The following ARHGEF10 variants were observed in gnomAD, a reference collection of about 807,000 sequenced individuals.
ARHGEF10 encodes the protein Rho guanine nucleotide exchange factor 10.
Under a neutral mutation model 147.4 loss-of-function variants are expected in ARHGEF10, and 140 were observed. The ratio of observed to expected loss-of-function variants is 0.95; its 90% confidence interval spans 0.83 to 1.09. The LOEUF (loss-of-function observed/expected upper bound fraction) is 1.09, where lower values mean the gene tolerates loss of function less well. Ranked by LOEUF, ARHGEF10 falls within the 50% of genes least tolerant of loss-of-function variation. ARHGEF10 has a pLI of 0.00. For missense variants in ARHGEF10, 2,222 were observed against 1,752.7 expected (o/e 1.27, Z -4.78); for synonymous variants, 902 against 695.8 (o/e 1.30, Z -4.67).
chr8:1,880,285 G>C, intron 9 of ARHGEF10, 121 bp downstream of exon 9: 1 of 717,286 alleles, frequency 1.4e-6, no homozygotes, highest in Non-Finnish European at 2.5e-6. Flanking sequence ...CGGGGCTCCT[G>C]GAATCCCCCG....
At chr8:1,887,245 G>A (rs942485612) in intron 11 of ARHGEF10, among the ~76,000 whole-genome samples, 5 of 152,252 alleles carry the variant, frequency 3.3e-5, no homozygotes, top group African/African-American at 1.2e-4. Context: ...CAGGGGAAAT[G>A]CTTCCTAGCA....
intron 18 of ARHGEF10, among the ~76,000 whole-genome samples, chr8:1,911,594 C>T (rs1010688060): frequency 6.6e-6 from 1 of 152,140 alleles, no homozygotes; most frequent in Non-Finnish European, 1.5e-5. Context: ...AAGTGGGCAC[C>T]GTGCTTGGTG....
At chr8:1,880,351 C>G (rs1275440376) in intron 9 of ARHGEF10, among the ~76,000 whole-genome samples, 187 bp downstream of exon 9, 1 of 152,232 alleles carries the variant, frequency 6.6e-6, no homozygotes. Flanking sequence ...CTGTCTCCCT[C>G]TTACGGGGAA....
chr8:1,945,100 G>T lies in ARHGEF10; in HGVS notation c.3223-381G>T, dbSNP rs1814456694. Among the ~76,000 whole-genome samples, 8 of 152,350 alleles carry T rather than the reference G, an allele frequency of 5.3e-5. No individual in the cohort carries two copies. The South Asian group carries it at 1.7e-3, about 32-fold the overall frequency. ...GGTCAGGCTGCAGGCAGGCAGTGGG[G>T]CCCCATGCCATAGCTTGGAGACATC... On this transcript the variant is annotated intron_variant, in intron 26 of 28. Coordinates refer to ENST00000349830, the MANE Select transcript of ARHGEF10 (RefSeq NM_014629.4).
chr8:1,841,738 C>T (rs1385302021), intron 1 of ARHGEF10, among the ~76,000 whole-genome samples: 3 of 151,994 alleles, frequency 2.0e-5, no homozygotes, highest in African/African-American at 7.2e-5. Context: ...AGCTGCTGCT[C>T]GTGGGGAGCC....
At chr8:1,906,296 T>C (rs941184521) in intron 17 of ARHGEF10, among the ~76,000 whole-genome samples, 1 of 152,158 alleles carries the variant, frequency 6.6e-6, no homozygotes. Flanking sequence ...CTGTAGAAAA[T>C]AATGCAAGCG....
At chr8:1,907,367 G>A (rs955714667) in intron 17 of ARHGEF10, among the ~76,000 whole-genome samples, 3 of 152,302 alleles carry the variant, frequency 2.0e-5, no homozygotes, top group Admixed American at 6.5e-5. Context: ...TGGCCCACAC[G>A]ATGTGTCAAG....
chr8:1,823,722 G>T (rs1286539242), upstream of ARHGEF10, among the ~76,000 whole-genome samples: 3 of 151,560 alleles, frequency 2.0e-5, no homozygotes, highest in African/African-American at 7.3e-5. Context: ...CCTCTGCCGC[G>T]CGCCCCCTCC....
At chr8:1,859,872 T>C (rs938246530) in intron 3 of ARHGEF10, 25 bp from the exon 4 acceptor site, 2 of 1,613,608 alleles carry the variant, frequency 1.2e-6, no homozygotes, top group Non-Finnish European at 8.5e-7. Flanking sequence ...ATGTGTCTGC[T>C]GACAAGTCCT....
rs371244507 is a variant in ARHGEF10 at position 1,894,416 on chromosome 8, G to T, written c.1284G>T (p.Glu428Asp). Reference protein sequence around the residue: ...ILEQYEKPLSEMEPKVLSERK... With the variant: ...ILEQYEKPLSDMEPKVLSERK... ...AGCAATATGAGAAGCCGCTGTCTGA[G>T]ATGGAGCCAAAGGTTCTGAGTGAGA... The change falls in exon 13 of 29, where the codon GAG becomes GAT. Residue 428 changes from glutamate (E) to aspartate (D), a missense_variant. Glu to Asp is a conservative substitution (Grantham distance 45). Coordinates refer to ENST00000349830, the MANE Select transcript of ARHGEF10 (RefSeq NM_014629.4). 3 of 1,614,238 alleles carry T rather than the reference G, an allele frequency of 1.9e-6. No homozygotes were observed. The highest frequency in any genetic ancestry group is 1.3e-5 in the African/African-American group (1 of 75,066).
In ARHGEF10 at chr8:1,862,766, T is replaced by C. The variant is rs555634712; in HGVS notation, c.482-1607T>C. Among the ~76,000 whole-genome samples the C allele has an allele frequency of 1.5e-4, 20 of 131,002 alleles. No homozygotes were observed. In the South Asian group the frequency reaches 2.4e-3, roughly 16 times the overall value. 85.9% of individuals were successfully genotyped at this position (131,002 alleles called of 152,430 possible). ...CTCTTTGGGTGTTTCTTTTCCTTTTTTTCTTCTTCTTTTTTTTTTTTTTTT... is the reference window on the plus strand; with the variant it reads ...CTCTTTGGGTGTTTCTTTTCCTTTTCTTCTTCTTCTTTTTTTTTTTTTTTT... On this transcript the variant is annotated intron_variant, in intron 4 of 28. Transcript: ENST00000349830.
chr8:1,929,621 T>C (rs1039393848), intron 25 of ARHGEF10, among the ~76,000 whole-genome samples, 178 bp downstream of exon 25: 1 of 152,088 alleles, frequency 6.6e-6, no homozygotes, highest in Non-Finnish European at 1.5e-5. Flanking sequence ...CAAAAGGTGT[T>C]TGTTGAATAT....
intron 17 of ARHGEF10, among the ~76,000 whole-genome samples, chr8:1,906,472 G>C (rs77619122): frequency 3.3e-5 from 5 of 152,126 alleles, no homozygotes; most frequent in African/African-American, 1.2e-4. Context: ...CTCCCAGTGA[G>C]AGCCAGCTGT....
upstream of ARHGEF10, among the ~76,000 whole-genome samples, chr8:1,823,527 C>G (rs1802528443): frequency 6.6e-6 from 1 of 152,030 alleles, no homozygotes; most frequent in South Asian, 2.1e-4. Flanking sequence ...GGGCGGTGCT[C>G]TGGGAGAGGG....
Position 1,920,913 on chromosome 8 carries a change from G to A in ARHGEF10, c.2144-2051G>A, listed in dbSNP as rs150951032. ...AGCAATTCTCCTGCCTCAGCCTCCC[G>A]AGTAGGTGGGATTACAGCATGCACC... On this transcript the variant is annotated intron_variant, in intron 18 of 28. Transcript: ENST00000349830. 5.9e-5 allele frequency among the ~76,000 whole-genome samples: 9 copies of A among 152,078 alleles called. No homozygotes were observed. In the South Asian group the frequency reaches 6.2e-4, roughly 11 times the overall value.
At chr8:1,882,917 C>A (rs1410360172) in intron 10 of ARHGEF10, among the ~76,000 whole-genome samples, 168 bp downstream of exon 10, 1 of 152,336 alleles carries the variant, frequency 6.6e-6, no homozygotes, top group African/African-American at 2.4e-5. Flanking sequence ...ACCCCAGCCT[C>A]CCCGTCCTGC....
chr8:1,892,615 A>G (rs746897759), intron 11 of ARHGEF10, among the ~76,000 whole-genome samples: 1 of 150,828 alleles, frequency 6.6e-6, no homozygotes, highest in East Asian at 2.0e-4. Context: ...GCCTGATGCT[A>G]CACTGGAGTA....
chr8:1,881,811 C>G (rs541188492), intron 9 of ARHGEF10, among the ~76,000 whole-genome samples: 1 of 152,224 alleles, frequency 6.6e-6, no homozygotes, highest in Non-Finnish European at 1.5e-5. Flanking sequence ...TGGTTCTCAG[C>G]TGCACTGCTG....
chr8:1,877,112 A>C (rs1048636798), intron 8 of ARHGEF10, among the ~76,000 whole-genome samples: 1 of 152,246 alleles, frequency 6.6e-6, no homozygotes. Flanking sequence ...GCACATCTGC[A>C]CTTTGCTTTA....
Sources: gnomAD v4.1 joint callset for allele counts (sites outside exome capture counted in the v4.1 genomes callset) on GRCh38, gnomAD v4.1.1 for gene constraint, MANE v1.5 for transcripts, NCBI Gene and HGNC (gene_info 2026-07-23, HGNC 2026-07-21) for gene names.